Variants in DHX35 observed in about 807,000 individuals in gnomAD.
The protein encoded by DHX35 is probable ATP-dependent RNA helicase DHX35.
Under a neutral mutation model 99.6 loss-of-function variants are expected in DHX35, and 84 were observed. The ratio of observed to expected loss-of-function variants is 0.84; its 90% confidence interval spans 0.71 to 1.01. DHX35 has a LOEUF of 1.01. Ranked by LOEUF, DHX35 falls within the 50% of genes least tolerant of loss-of-function variation. The pLI, the probability that DHX35 is intolerant of heterozygous loss-of-function variation, is 0.00. For synonymous variants in DHX35, 331 were observed against 316.2 expected (o/e 1.05, Z -0.50); for missense variants, 852 against 888.5 (o/e 0.96, Z 0.52).
intron 14 of DHX35, 147 bp from the exon 15 acceptor site, chr20:39,018,657 G>A (rs910883499): frequency 1.3e-6 from 1 of 758,524 alleles, no homozygotes; most frequent in Admixed American, 2.6e-5. Flanking sequence ...GCACTCTAGT[G>A]TCAAATGGAG....
chr20:38,978,720 G>A (rs551999537), intron 3 of DHX35, among the ~76,000 whole-genome samples: 3 of 151,972 alleles, frequency 2.0e-5, no homozygotes, highest in South Asian at 2.1e-4. Context: ...CTATTTTTGC[G>A]TTTTGTTGCC....
At chr20:39,022,097 G>T (rs933239027) in intron 16 of DHX35, among the ~76,000 whole-genome samples, 162 bp downstream of exon 16, 29 of 152,124 alleles carry the variant, frequency 1.9e-4, no homozygotes, top group African/African-American at 5.1e-4. Context: ...CAGGTGTTTT[G>T]CAGGCATCAT....
chr20:38,978,121 T>C, intron 3 of DHX35: 2 of 776,684 alleles, frequency 2.6e-6, no homozygotes, highest in Non-Finnish European at 4.7e-6. Flanking sequence ...ACACTTCAAC[T>C]GTAAGACCAC....
rs1402415415 is a variant in DHX35 at position 38,962,366 on chromosome 20, A to C, written c.-2A>C. 4 of 1,612,542 alleles carry C rather than the reference A, an allele frequency of 2.5e-6. No homozygotes were observed. The highest frequency in any genetic ancestry group is 3.4e-6 in the Non-Finnish European group (4 of 1,179,200). On this transcript the variant is annotated 5_prime_UTR_variant, in exon 1 of 22. Transcript: ENST00000252011. The stretch of plus-strand genomic sequence containing the variant: ...GCTAGCCTCGTGACCTTTTACCCCA[A>C]CATGGCTGCGCCCGTGGGACCGGTG...
chr20:38,974,836 A>G (rs527532490), intron 3 of DHX35, among the ~76,000 whole-genome samples: 120 of 152,316 alleles, frequency 7.9e-4, no homozygotes, highest in Admixed American at 1.4e-3. Flanking sequence ...TAGAGAAAGC[A>G]AAGACAGAGT....
At chr20:38,969,604 A>C (rs1382308017) in intron 2 of DHX35, among the ~76,000 whole-genome samples, 1 of 152,186 alleles carries the variant, frequency 6.6e-6, no homozygotes, top group African/African-American at 2.4e-5. Flanking sequence ...AACAAGTTTA[A>C]TTGGGAATAT....
chr20:39,017,387 G>T (rs1600430882), intron 14 of DHX35, among the ~76,000 whole-genome samples: 1 of 152,098 alleles, frequency 6.6e-6, no homozygotes, highest in East Asian at 1.9e-4. Context: ...CATGTAATGG[G>T]AACTCGAAAG....
intron 17 of DHX35, among the ~76,000 whole-genome samples, chr20:39,024,842 A>C (rs567808135): frequency 1.3e-5 from 2 of 152,340 alleles, no homozygotes; most frequent in African/African-American, 2.4e-5. Flanking sequence ...TACATTGGCA[A>C]GTGTCATATT....
intron 3 of DHX35, among the ~76,000 whole-genome samples, chr20:38,979,972 T>G (rs989676844): frequency 3.3e-5 from 5 of 152,174 alleles, no homozygotes; most frequent in Admixed American, 2.0e-4. Flanking sequence ...AAGCCCAGAT[T>G]TGGTGATCCT....
intron 20 of DHX35, among the ~76,000 whole-genome samples, chr20:39,033,139 G>T (rs922365385): frequency 2.6e-5 from 4 of 152,150 alleles, no homozygotes; most frequent in African/African-American, 9.7e-5. Context: ...AGGAGACTGA[G>T]ACAGGAGGAT....
chr20:39,014,865 TTA>T lies in DHX35; in HGVS notation c.1348-13_1348-12del. 1 of 1,614,186 alleles carries T rather than the reference TTA, an allele frequency of 6.2e-7. No individual in the cohort carries two copies. Among genetic ancestry groups the T allele is most frequent in the Non-Finnish European group, 8.5e-7 (1 of 1,180,016 alleles). Reference sequence around the variant, plus strand: ...CAAATAAATTGATTCAGGAAGATTTTTATGTTTTTTCCAGCCCCCTCCAGCAC... The same window carrying T: ...CAAATAAATTGATTCAGGAAGATTTTTGTTTTTTCCAGCCCCCTCCAGCAC... On this transcript the variant is annotated splice_polypyrimidine_tract_variant and intron_variant, in intron 13 of 21. Coordinates refer to ENST00000252011, the MANE Select transcript of DHX35 (RefSeq NM_021931.4).
At chr20:39,001,680 A>G (rs925582231) in intron 8 of DHX35, 50 bp from the exon 9 acceptor site, 1 of 1,455,914 alleles carries the variant, frequency 6.9e-7, no homozygotes, top group African/African-American at 1.4e-5. Flanking sequence ...ATGAATCGCT[A>G]CGAACCTTTT....
intron 13 of DHX35, 116 bp from the exon 14 acceptor site, chr20:39,014,764 G>C: frequency 1.6e-6 from 2 of 1,253,694 alleles, no homozygotes; most frequent in Non-Finnish European, 2.3e-6. Context: ...GAAACATGGA[G>C]GCTGGGAAGA....
chr20:38,983,927 TCAGA>T (rs2086212569), intron 4 of DHX35, 151 bp downstream of exon 4: 4 of 691,220 alleles, frequency 5.8e-6, no homozygotes, highest in South Asian at 2.1e-5. Context: ...ATTTTTTTCC[TCAGA>T]CAGAGTCTCA....
At chr20:38,987,673 G>A (rs1433953738) in intron 4 of DHX35, among the ~76,000 whole-genome samples, 1 of 152,040 alleles carries the variant, frequency 6.6e-6, no homozygotes, top group Admixed American at 6.5e-5. Flanking sequence ...CTTGCTGTTG[G>A]ATTCATTTTT....
chr20:39,004,268 A>G (rs562429283), intron 11 of DHX35, among the ~76,000 whole-genome samples: 1 of 151,844 alleles, frequency 6.6e-6, no homozygotes, highest in East Asian at 2.0e-4. Flanking sequence ...GGTTTCACTA[A>G]GTTAGCCAGG....
Position 39,034,278 on chromosome 20 carries a change from G to C in DHX35, c.2028G>C (p.Trp676Cys). Residue 676 changes from tryptophan to cysteine, a missense_variant, in exon 21 of 22, where the codon TGG becomes TGC. Transcript: ENST00000252011. ...MRDVTAIESAWLLELAPHFYQ... is the reference protein window; with the variant it reads ...MRDVTAIESACLLELAPHFYQ... Reference sequence around the variant, plus strand: ...ATGTGACTGCCATTGAATCGGCCTGGCTGTTGGAGCTGGCTCCACACTTTT... The same window carrying C: ...ATGTGACTGCCATTGAATCGGCCTGCCTGTTGGAGCTGGCTCCACACTTTT... 6.2e-7 allele frequency: 1 copy of C among 1,614,184 alleles called. No homozygotes were observed. The highest frequency in any genetic ancestry group is 8.5e-7 in the Non-Finnish European group (1 of 1,180,038).
At chr20:39,007,358 T>C (rs1006396357) in intron 12 of DHX35, among the ~76,000 whole-genome samples, 1 of 152,056 alleles carries the variant, frequency 6.6e-6, no homozygotes, top group Admixed American at 6.6e-5. Flanking sequence ...GTGGTGGAGG[T>C]AGACCTCAAA....
chr20:38,993,816 C>G (rs1445874770), intron 7 of DHX35, among the ~76,000 whole-genome samples: 2 of 151,518 alleles, frequency 1.3e-5, no homozygotes, highest in East Asian at 3.9e-4. Flanking sequence ...GACATAGGTA[C>G]TGTATATTGT....
Sources: allele counts gnomAD v4.1 joint callset (sites outside exome capture counted in the v4.1 genomes callset), GRCh38; gene constraint gnomAD v4.1.1; transcripts MANE v1.5; gene names NCBI Gene and HGNC (gene_info 2026-07-23, HGNC 2026-07-21).